Variants in EXOSC10 observed in about 807,000 individuals in gnomAD.
The protein encoded by EXOSC10 is exosome complex component 10.
Under a neutral mutation model 126.6 loss-of-function variants are expected in EXOSC10, and 94 were observed. That is an observed-to-expected ratio of 0.74 (90% CI 0.63 to 0.88). The LOEUF (loss-of-function observed/expected upper bound fraction) is 0.88, where lower values mean the gene tolerates loss of function less well. EXOSC10 is among the 40% of genes least tolerant of loss of function. The probability of loss-of-function intolerance (pLI) is 0.00; values close to 1 mark genes in which losing one functional copy is unlikely to be tolerated. For missense variants in EXOSC10, 1,041 were observed against 1,100.5 expected (o/e 0.95, Z 0.77); for synonymous variants, 395 against 400.8 (o/e 0.99, Z 0.17).
In EXOSC10 at chr1:11,091,596, C is replaced by T. The variant is rs1443138061; in HGVS notation, c.374G>A (p.Gly125Asp). 2.5e-6 allele frequency: 4 copies of T among 1,612,024 alleles called. No individual in the cohort carries two copies. The Middle Eastern group carries it at 4.9e-4, about 199-fold the overall frequency. Residue 125 changes from glycine (G) to aspartate (D), a missense_variant and splice_region_variant, in exon 4 of 25, where the codon GGT (glycine) becomes GAT (aspartate). Gly to Asp is a moderately conservative substitution (Grantham distance 94). Around this residue, in one of 3 missense-constraint regions of EXOSC10, gnomAD observed 645 missense variants for 656.3 expected, o/e 0.98. Transcript: ENST00000376936. ...DANDVILERV[G>D]ILLDEASGVN... ...ACCTGAGGCTTCATCCAGTAAAATA[C>T]CCTAAGAGTAGAAGAGGTACTGGTT...
At chr1:11,085,676 A>G (rs1640454802) in intron 9 of EXOSC10, among the ~76,000 whole-genome samples, 1 of 152,114 alleles carries the variant, frequency 6.6e-6, no homozygotes, top group African/African-American at 2.4e-5. Context: ...GAGTGGTGAG[A>G]GAGGGCCTCC....
At chr1:11,068,342 C>T (rs1224487582) in intron 23 of EXOSC10, 17 of 588,302 alleles carry the variant, frequency 2.9e-5, no homozygotes, top group Non-Finnish European at 4.5e-5. Context: ...CCAGCACCAA[C>T]ACCCACGAGG....
chr1:11,071,427 G>A (rs374906038), intron 20 of EXOSC10: 97 of 183,136 alleles, frequency 5.3e-4, no homozygotes, highest in Middle Eastern at 2.6e-3. Context: ...CTTTGCTATG[G>A]GACAGATCAA....
chr1:11,087,653 C>T (rs773580357), intron 8 of EXOSC10, 62 bp from the exon 9 acceptor site: 5 of 1,580,886 alleles, frequency 3.2e-6, no homozygotes, highest in Middle Eastern at 3.4e-4. Context: ...CTTTCCTTTA[C>T]TGATTTTGAA....
chr1:11,098,900 A>T (rs895767449), intron 1 of EXOSC10, among the ~76,000 whole-genome samples: 1 of 152,244 alleles, frequency 6.6e-6, no homozygotes, highest in African/African-American at 2.4e-5. Context: ...CCAAGAAAAA[A>T]GCAGAGAAAG....
rs769836215 is a variant in EXOSC10 at position 11,080,506 on chromosome 1, G to A, written c.1630C>T (p.Leu544=). 19 of 1,610,602 alleles carry A rather than the reference G, an allele frequency of 1.2e-5. No individual in the cohort carries two copies. The Admixed American group carries it at 3.2e-4, about 27-fold the overall frequency. Residue 544 remains leucine, a synonymous_variant, in exon 13 of 25, where the codon CTG becomes TTG. Transcript: ENST00000376936. ...NHMMLKIAEE[L]PKEPQGIIAC... is the part of the protein sequence containing the mutation. Reference sequence around the variant, plus strand: ...ATCAGATTTGAAACTCACTTAGGCAGTTCTTCAGCTATTTTCAGCATCATG... The same window carrying A: ...ATCAGATTTGAAACTCACTTAGGCAATTCTTCAGCTATTTTCAGCATCATG...
At chr1:11,094,346 G>A (rs1640954226) in intron 3 of EXOSC10, among the ~76,000 whole-genome samples, 1 of 151,094 alleles carries the variant, frequency 6.6e-6, no homozygotes, top group African/African-American at 2.4e-5. Flanking sequence ...CCAGGCTGGA[G>A]TGCAATGGTG....
Position 11,087,797 on chromosome 1 carries a change from T to C in EXOSC10, c.945+3A>G. ...ATTTTACCCAGGGTCATTTATAAGATACCTCCAAGTCAACTGCAAATTCCT... is the reference window on the plus strand; with the variant it reads ...ATTTTACCCAGGGTCATTTATAAGACACCTCCAAGTCAACTGCAAATTCCT... On this transcript the variant is annotated splice_donor_region_variant and intron_variant, in intron 8 of 24. Coordinates refer to ENST00000376936, the MANE Select transcript of EXOSC10 (RefSeq NM_001001998.3). 6.2e-7 allele frequency: 1 copy of C among 1,606,602 alleles called. No homozygotes were observed. Among genetic ancestry groups the C allele is most frequent in the Non-Finnish European group, 8.5e-7 (1 of 1,175,822 alleles).
In EXOSC10 at chr1:11,071,890, C is replaced by T. The variant is rs1386193847; in HGVS notation, c.2242+197G>A. ...ACCAACGAGACAGCTACAGCACCTC[C>T]AGCACTCCCCACCAATCTCTCTGCA... On this transcript the variant is annotated intron_variant, in intron 20 of 24. Coordinates refer to ENST00000376936, the MANE Select transcript of EXOSC10 (RefSeq NM_001001998.3). 6 of 540,056 alleles carry T rather than the reference C, an allele frequency of 1.1e-5. No homozygotes were observed. The Admixed American group carries it at 2.1e-4, about 19-fold the overall frequency. The allele number at this position is 540,056 out of a possible 1,614,324, so 33.5% of individuals were successfully genotyped here.
In EXOSC10 at chr1:11,081,240, T is replaced by G; in HGVS notation, c.1281-2A>C. 6.2e-7 allele frequency: 1 copy of G among 1,614,084 alleles called. No individual in the cohort carries two copies. Among genetic ancestry groups the G allele is most frequent in the East Asian group, 2.2e-5 (1 of 44,890 alleles). On this transcript the variant is annotated splice_acceptor_variant, in intron 10 of 24. Transcript: ENST00000376936. LOFTEE classifies it high-confidence loss of function. ...CTGAGCATCTCCTCGGGCAGAGGGCTGGAATTGCAGAGGACAATGTTTTAC... is the reference window on the plus strand; with the variant it reads ...CTGAGCATCTCCTCGGGCAGAGGGCGGGAATTGCAGAGGACAATGTTTTAC...
intron 17 of EXOSC10, among the ~76,000 whole-genome samples, chr1:11,075,497 C>T (rs1445563733): frequency 6.6e-6 from 1 of 152,198 alleles, no homozygotes; most frequent in African/African-American, 2.4e-5. Flanking sequence ...ACTTCCGTAT[C>T]AAAGCAGCCC....
chr1:11,072,725 C>G (rs1257708267), intron 19 of EXOSC10: 1 of 152,476 alleles, frequency 6.6e-6, no homozygotes, highest in East Asian at 1.9e-4. Flanking sequence ...AAATAGCAAG[C>G]TAACTCAGGG....
chr1:11,095,980 C>T (rs1177497851), intron 2 of EXOSC10, 99 bp from the exon 3 acceptor site: 2 of 1,296,064 alleles, frequency 1.5e-6, no homozygotes, highest in Non-Finnish European at 2.1e-6. Flanking sequence ...AGACTGTTCC[C>T]AACACATCTT....
At chr1:11,068,782 G>A (rs1283392780) in intron 22 of EXOSC10, 76 bp from the exon 23 acceptor site, 9 of 1,198,028 alleles carry the variant, frequency 7.5e-6, no homozygotes, top group Middle Eastern at 1.9e-4. Flanking sequence ...CAGCGAGGCC[G>A]GGACCATGAC....
intron 6 of EXOSC10, among the ~76,000 whole-genome samples, chr1:11,090,349 G>A (rs1219849907): frequency 6.6e-6 from 1 of 152,192 alleles, no homozygotes; most frequent in Non-Finnish European, 1.5e-5. Context: ...TACTTCTCAG[G>A]ACTGCAGTGA....
chr1:11,067,590 T>C (rs1639180229), intron 24 of EXOSC10, among the ~76,000 whole-genome samples: 2 of 152,132 alleles, frequency 1.3e-5, no homozygotes, highest in Admixed American at 1.3e-4. Flanking sequence ...GGTGACAGAA[T>C]GAGACTCTCA....
intron 24 of EXOSC10, among the ~76,000 whole-genome samples, chr1:11,067,369 T>C (rs541829770): frequency 1.1e-4 from 17 of 151,744 alleles, no homozygotes; most frequent in African/African-American, 3.9e-4. Flanking sequence ...GAGGCGCAGC[T>C]TGCAGTGAGC....
chr1:11,099,153 T>G (rs1264867415), intron 1 of EXOSC10, among the ~76,000 whole-genome samples: 1 of 152,270 alleles, frequency 6.6e-6, no homozygotes, highest in East Asian at 1.9e-4. Context: ...TAAGCCTAGT[T>G]GTACGTTTGC....
chr1:11,097,433 A>T (rs1466217708), intron 2 of EXOSC10, among the ~76,000 whole-genome samples: 1 of 151,924 alleles, frequency 6.6e-6, no homozygotes, highest in East Asian at 1.9e-4. Flanking sequence ...TGTGGGAAAG[A>T]ATCTTGGATC....
Sources: allele counts gnomAD v4.1 joint callset (sites outside exome capture counted in the v4.1 genomes callset), GRCh38; gene constraint gnomAD v4.1.1; regional missense constraint gnomAD v4.1.1; transcripts MANE v1.5; gene names NCBI Gene and HGNC (gene_info 2026-07-23, HGNC 2026-07-21).